EML5: variants seen among roughly 807,000 people sequenced by gnomAD.
EML5 encodes EMAP like 5, also known as echinoderm microtubule-associated protein-like 5.
In EML5, 120 loss-of-function variants were observed where a neutral mutation model predicts 250.0. That is an observed-to-expected ratio of 0.48 (90% confidence interval 0.41 to 0.56). The LOEUF (loss-of-function observed/expected upper bound fraction) is 0.56, where lower values mean the gene tolerates loss of function less well. EML5 is among the 20% of genes least tolerant of loss of function. The probability of loss-of-function intolerance (pLI) is 0.00; values close to 1 mark genes in which losing one functional copy is unlikely to be tolerated. For missense variants in EML5, 2,006 were observed against 2,437.6 expected (o/e 0.82, Z 3.73); for synonymous variants, 771 against 806.5 (o/e 0.96, Z 0.75).
intron 1 of EML5, among the ~76,000 whole-genome samples, chr14:88,762,257 T>A (rs1208026027): frequency 6.6e-6 from 1 of 152,146 alleles, no homozygotes; most frequent in Non-Finnish European, 1.5e-5. Flanking sequence ...ACACCTGTAA[T>A]CCCAGCACTT....
chr14:88,736,524 G>T lies in EML5; in HGVS notation c.889C>A (p.Leu297Ile), dbSNP rs750434858. ...ATTTCACTGTCCTGTGTTCCAACTA[G>T]AATGTGGTCACCTCGCCAACACACA... ...RSVCWRGDHI[L>I]VGTQDSEIFE... Residue 297 changes from leucine (L) to isoleucine (I), a missense_variant, in exon 7 of 44, where the codon CTA becomes ATA. Coordinates refer to ENST00000554922, the MANE Select transcript of EML5 (RefSeq NM_183387.3). The T allele has an allele frequency of 1.2e-6, 2 of 1,613,942 alleles. No homozygotes were observed. Among genetic ancestry groups the T allele is most frequent in the Non-Finnish European group, 1.7e-6 (2 of 1,179,878 alleles).
intron 1 of EML5, among the ~76,000 whole-genome samples, chr14:88,788,175 T>C (rs975025886): frequency 2.0e-5 from 3 of 151,888 alleles, no homozygotes; most frequent in African/African-American, 7.3e-5. Context: ...TCTGAACCCA[T>C]ATAAACACAA....
chr14:88,765,961 C>T (rs1220662232), intron 1 of EML5, among the ~76,000 whole-genome samples: 1 of 152,172 alleles, frequency 6.6e-6, no homozygotes, highest in Non-Finnish European at 1.5e-5. Context: ...CATTTATTAG[C>T]TCCCCAAATT....
chr14:88,658,249 C>G lies in EML5; in HGVS notation c.3815G>C (p.Gly1272Ala). ...ATCACAAGGCCTTTTTTCTCGATAG[C>G]CTTCCATCTCATTTGTCCACACCAT... ...SLMVWTNEME[G>A]YREKRPCDSE... The change falls in exon 26 of 44, where the codon GGC (glycine) becomes GCC (alanine). Residue 1272 changes from glycine to alanine, a missense_variant. By Grantham distance (60) the Gly-to-Ala change is moderately conservative (BLOSUM62 0). Transcript: ENST00000554922. 1 of 1,613,808 alleles carries G rather than the reference C, an allele frequency of 6.2e-7. No individual in the cohort carries two copies. Among genetic ancestry groups the G allele is most frequent in the East Asian group, 2.2e-5 (1 of 44,852 alleles).
At position 88,768,698 on chromosome 14, in the gene EML5, C is replaced by G. The variant is rs1225830011; in HGVS notation, c.198-14027G>C. ...AAGTGCTGGGATTACAGGCGTGAGACATCGCACCTGGCCTATAATGTGATT... is the reference window on the plus strand; with the variant it reads ...AAGTGCTGGGATTACAGGCGTGAGAGATCGCACCTGGCCTATAATGTGATT... On this transcript the variant is annotated intron_variant, in intron 1 of 43. Transcript: ENST00000554922. 2.6e-5 allele frequency among the ~76,000 whole-genome samples: 4 copies of G among 152,322 alleles called. No individual in the cohort carries two copies. In the East Asian group the frequency reaches 5.8e-4, roughly 22 times the overall value.
intron 8 of EML5, among the ~76,000 whole-genome samples, chr14:88,715,752 G>A (rs1896090623): frequency 1.3e-5 from 2 of 151,574 alleles, no homozygotes; most frequent in Non-Finnish European, 2.9e-5. Context: ...CCACCTCTGG[G>A]GATCAAGCGA....
chr14:88,775,425 CAAGCTGACTTATGAGCCCTTGGGCCTT>C (rs1225536572), intron 1 of EML5, among the ~76,000 whole-genome samples: 1 of 152,186 alleles, frequency 6.6e-6, no homozygotes, highest in Non-Finnish European at 1.5e-5. Flanking sequence ...GCATTCACCA[CAAGCTGACTTATGAGCCCTTGGGCCTT>C]AAGGGAACAT....
rs1226798105 is a variant in EML5 at position 88,613,718 on chromosome 14, T to G, written c.*2100A>C. 2 of 152,182 alleles carry G rather than the reference T, an allele frequency of 1.3e-5. No individual in the cohort carries two copies. The highest frequency in any genetic ancestry group is 4.8e-5 in the African/African-American group (2 of 41,458). The allele number at this position is 152,182 out of a possible 1,614,324, so 9.4% of individuals were successfully genotyped here. Reference sequence around the variant, plus strand: ...GAAGCAAGGGTACCAGAGGGCACAGTGTGCTTTGGCATGCATTTTATACAT... The same window carrying G: ...GAAGCAAGGGTACCAGAGGGCACAGGGTGCTTTGGCATGCATTTTATACAT... On this transcript the variant is annotated 3_prime_UTR_variant, in exon 44 of 44. Transcript: ENST00000554922.
intron 1 of EML5, among the ~76,000 whole-genome samples, chr14:88,786,778 C>T (rs2094555482): frequency 6.6e-6 from 1 of 152,236 alleles, no homozygotes; most frequent in Non-Finnish European, 1.5e-5. Flanking sequence ...CTGCCTTTCA[C>T]TTCCCACCAT....
chr14:88,759,126 A>G (rs1460368646), intron 1 of EML5, among the ~76,000 whole-genome samples: 2 of 152,198 alleles, frequency 1.3e-5, no homozygotes, highest in Admixed American at 6.5e-5. Flanking sequence ...TTGTGCACTT[A>G]AAGTGTACAT....
chr14:88,769,867 T>C (rs2094369190), intron 1 of EML5, among the ~76,000 whole-genome samples: 1 of 152,144 alleles, frequency 6.6e-6, no homozygotes, highest in South Asian at 2.1e-4. Context: ...TAGGCTCTCA[T>C]AATCTATGGT....
intron 10 of EML5, among the ~76,000 whole-genome samples, chr14:88,710,301 C>T (rs376973715): frequency 6.6e-6 from 1 of 152,260 alleles, no homozygotes; most frequent in East Asian, 1.9e-4. Flanking sequence ...GAGCTAACTT[C>T]GTATATTTTT....
At chr14:88,791,265 A>G (rs2094604496) in intron 1 of EML5, among the ~76,000 whole-genome samples, 1 of 152,244 alleles carries the variant, frequency 6.6e-6, no homozygotes, top group Non-Finnish European at 1.5e-5. Context: ...GAAATGCCCA[A>G]TTTAAATCCT....
At position 88,612,893 on chromosome 14, in the gene EML5, T is replaced by G. The variant is rs1429890304; in HGVS notation, c.*2925A>C. 6.6e-6 allele frequency: 1 copy of G among 151,908 alleles called. No individual in the cohort carries two copies. The highest frequency in any genetic ancestry group is 2.4e-5 in the African/African-American group (1 of 41,162). The allele number at this position is 151,908 out of a possible 1,614,324, so 9.4% of individuals were successfully genotyped here. On this transcript the variant is annotated 3_prime_UTR_variant, in exon 44 of 44. Coordinates refer to ENST00000554922, the MANE Select transcript of EML5 (RefSeq NM_183387.3). Reference sequence around the variant, plus strand: ...AAGACTTGGTGTATAGTGTTAAAAATTAAAGCTTAAAAGGTGGTTAGAAAA... The same window carrying G: ...AAGACTTGGTGTATAGTGTTAAAAAGTAAAGCTTAAAAGGTGGTTAGAAAA...
At chr14:88,780,093 A>G (rs1255281704) in intron 1 of EML5, among the ~76,000 whole-genome samples, 4 of 152,156 alleles carry the variant, frequency 2.6e-5, no homozygotes, top group Non-Finnish European at 5.9e-5. Flanking sequence ...CTGGGATTAC[A>G]GAAGCACACC....
At chr14:88,691,173 C>T (rs2092950065) in intron 17 of EML5, among the ~76,000 whole-genome samples, 1 of 152,060 alleles carries the variant, frequency 6.6e-6, no homozygotes, top group Non-Finnish European at 1.5e-5. Context: ...GTTGGGCTCT[C>T]CAGGAACAGA....
intron 3 of EML5, among the ~76,000 whole-genome samples, chr14:88,744,615 T>C (rs1029394510): frequency 1.3e-5 from 2 of 152,052 alleles, no homozygotes; most frequent in Admixed American, 6.6e-5. Flanking sequence ...TTCATTATTT[T>C]CTAAAATTCC....
At chr14:88,658,433 T>C in intron 25 of EML5, 45 bp from the exon 26 acceptor site, 1 of 1,401,358 alleles carries the variant, frequency 7.1e-7, no homozygotes, top group Non-Finnish European at 9.8e-7. Flanking sequence ...GAAATTTCAT[T>C]ATTTAAATAT....
chr14:88,752,002 T>C (rs1341051541), intron 2 of EML5, among the ~76,000 whole-genome samples: 1 of 152,240 alleles, frequency 6.6e-6, no homozygotes, highest in African/African-American at 2.4e-5. Context: ...AGGCTTAGCA[T>C]AATACCTGGC....
Sources: allele counts gnomAD v4.1 joint callset (sites outside exome capture counted in the v4.1 genomes callset), GRCh38; gene constraint gnomAD v4.1.1; transcripts MANE v1.5; gene names NCBI Gene and HGNC (gene_info 2026-07-23, HGNC 2026-07-21).